Variants in KIF27 observed in about 807,000 individuals in gnomAD.
KIF27 encodes the protein kinesin-like protein KIF27.
Under a neutral mutation model 141.8 loss-of-function variants are expected in KIF27, and 84 were observed. The observed-to-expected ratio is 0.59, with a 90% confidence interval of 0.50 to 0.71. KIF27 has a LOEUF of 0.71. Among genes scored for constraint, KIF27 ranks in the 30% least tolerant of loss-of-function variants. The pLI, the probability that KIF27 is intolerant of heterozygous loss-of-function variation, is 0.00. For missense variants in KIF27, 1,306 were observed against 1,628.4 expected (o/e 0.80, Z 3.41); for synonymous variants, 471 against 569.5 (o/e 0.83, Z 2.46).
At chr9:83,915,239 A>G in intron 2 of KIF27, 55 bp downstream of exon 2, 2 of 1,467,810 alleles carry the variant, frequency 1.4e-6, no homozygotes, top group Non-Finnish European at 1.8e-6. Context: ...TATTGGTCAT[A>G]TTTTTGCTTC....
In KIF27 at chr9:83,837,289, A is replaced by G; in HGVS notation, c.3918T>C (p.His1306=). 3.1e-6 allele frequency: 5 copies of G among 1,606,710 alleles called. No individual in the cohort carries two copies. The highest frequency in any genetic ancestry group is 4.3e-6 in the Non-Finnish European group (5 of 1,174,548). Residue 1306 remains histidine, a synonymous_variant, in exon 18 of 18, where the codon CAT becomes CAC. Coordinates refer to ENST00000297814, the MANE Select transcript of KIF27 (RefSeq NM_017576.4). ...GCCCACTGGGGGGTGCTAAAGAACT[A>G]TGAATTGGAGGTAATTCTGGGATAT... is the stretch of plus-strand genomic sequence containing the variant. ...WEDIPELPPI[H]SSLAPPSGHM...
chr9:83,911,394 C>T (rs1288634701), intron 2 of KIF27, among the ~76,000 whole-genome samples: 1 of 152,068 alleles, frequency 6.6e-6, no homozygotes, highest in African/African-American at 2.4e-5. Flanking sequence ...CCACACATGG[C>T]TAATTTTTGT....
chr9:83,844,656 ACT>A (rs966410600), intron 16 of KIF27, among the ~76,000 whole-genome samples: 3 of 152,248 alleles, frequency 2.0e-5, no homozygotes, highest in African/African-American at 7.2e-5. Flanking sequence ...GAGTTTAGTG[ACT>A]CTGTGTAATA....
intron 5 of KIF27, among the ~76,000 whole-genome samples, chr9:83,893,607 G>A (rs1355557050): frequency 6.6e-6 from 1 of 151,092 alleles, no homozygotes; most frequent in Non-Finnish European, 1.5e-5. Context: ...TGCAAGTCAA[G>A]ATAAGCTTAG....
chr9:83,876,512 C>A (rs961737540), intron 11 of KIF27, among the ~76,000 whole-genome samples: 8 of 152,188 alleles, frequency 5.3e-5, no homozygotes, highest in Admixed American at 2.6e-4. Context: ...AGAGATTCAA[C>A]AATCCTTATC....
intron 9 of KIF27, among the ~76,000 whole-genome samples, chr9:83,886,773 A>G (rs895366392): frequency 2.6e-5 from 4 of 152,136 alleles, no homozygotes; most frequent in African/African-American, 9.7e-5. Flanking sequence ...TAAAATAAAC[A>G]TGTTGTAACT....
intron 16 of KIF27, among the ~76,000 whole-genome samples, chr9:83,848,203 GATATGATATATATGAT>G: frequency 3.4e-5 from 1 of 29,750 alleles, no homozygotes; most frequent in South Asian, 9.7e-4. Context: ...TGATATATCA[GATATGATATATATGAT>G]ATATCAGATA....
chr9:83,878,095 C>T (rs554445624), intron 11 of KIF27, among the ~76,000 whole-genome samples: 12 of 134,798 alleles, frequency 8.9e-5, no homozygotes, highest in African/African-American at 2.4e-4. Context: ...ACTCAGGAGG[C>T]GGAGCTTGCA....
rs1407657054 is a variant in KIF27, at chr9:83,903,569, A to G, written c.949T>C (p.Cys317Arg). 1.9e-6 allele frequency: 3 copies of G among 1,614,084 alleles called. No individual in the cohort carries two copies. In the African/African-American group the frequency reaches 4.0e-5, roughly 22 times the overall value. The change falls in exon 4 of 18, where the codon TGT becomes CGT. Residue 317 changes from cysteine to arginine, a missense_variant. Physicochemically the swap from Cys to Arg is radical, Grantham distance 180 (BLOSUM62 -3). Coordinates refer to ENST00000297814, the MANE Select transcript of KIF27 (RefSeq NM_017576.4). ...AAATTCGAGGAGGAGGGGCTGACAC[A>G]TGTGATCATGACAGTCTTAGCACTG... Reference protein sequence around the residue: ...GGSAKTVMITCVSPSSSNFDE... With the variant: ...GGSAKTVMITRVSPSSSNFDE...
intron 5 of KIF27, chr9:83,899,062 G>T (rs1201218141): frequency 1.3e-5 from 2 of 152,160 alleles, no homozygotes; most frequent in Non-Finnish European, 2.9e-5. Context: ...ATGTGTGCTG[G>T]ATCAGATTAT....
In KIF27 at chr9:83,867,705, A is replaced by G; in HGVS notation, c.2913T>C (p.Asn971=). 6.2e-7 allele frequency: 1 copy of G among 1,601,146 alleles called. No individual in the cohort carries two copies. The highest frequency in any genetic ancestry group is 1.1e-5 in the South Asian group (1 of 88,380). The change falls in exon 13 of 18, where the codon AAT becomes AAC. Residue 971 remains asparagine (N), a synonymous_variant. Coordinates refer to ENST00000297814, the MANE Select transcript of KIF27 (RefSeq NM_017576.4). ...ALLQEKSHLE[N]KKLRSSQALN... is the part of the protein sequence containing the mutation. The stretch of plus-strand genomic sequence containing the variant: ...ATACCTGACTAGATCTCAATTTCTT[A>G]TTTTCCAGGTGACTCTTCTCCTGTA...
intron 15 of KIF27, among the ~76,000 whole-genome samples, chr9:83,852,052 C>CGA (rs1008477209): frequency 6.7e-6 from 1 of 150,266 alleles, no homozygotes; most frequent in Admixed American, 6.6e-5. Context: ...TGCTTGAACC[C>CGA]GGGGGGCGGA....
chr9:83,905,157 T>C (rs1168763640), intron 3 of KIF27, among the ~76,000 whole-genome samples: 4 of 151,904 alleles, frequency 2.6e-5, no homozygotes, highest in African/African-American at 4.8e-5. Flanking sequence ...TCTCGCTCTG[T>C]CCCCAGGCTG....
intron 11 of KIF27, among the ~76,000 whole-genome samples, chr9:83,871,341 G>A (rs1950776102): frequency 6.6e-6 from 1 of 152,184 alleles, no homozygotes. Flanking sequence ...AGAAAGGAAT[G>A]TTAGCTCTTA....
chr9:83,896,130 C>T (rs1211098391), intron 5 of KIF27, among the ~76,000 whole-genome samples: 1 of 151,164 alleles, frequency 6.6e-6, no homozygotes, highest in East Asian at 1.9e-4. Context: ...GTAATCCCAG[C>T]TATACAGGAG....
intron 13 of KIF27, among the ~76,000 whole-genome samples, chr9:83,862,558 T>G (rs1430351015): frequency 1.3e-5 from 2 of 152,224 alleles, no homozygotes; most frequent in African/African-American, 4.8e-5. Flanking sequence ...ACCAGTACCA[T>G]GCTGTTTTGG....
chr9:83,886,457 C>G (rs1362288671), intron 9 of KIF27, among the ~76,000 whole-genome samples: 1 of 152,076 alleles, frequency 6.6e-6, no homozygotes, highest in East Asian at 1.9e-4. Flanking sequence ...TTTCAATGCC[C>G]TCTCACTGAA....
At chr9:83,886,060 G>C (rs1455744714) in intron 9 of KIF27, among the ~76,000 whole-genome samples, 1 of 151,558 alleles carries the variant, frequency 6.6e-6, no homozygotes, top group Non-Finnish European at 1.5e-5. Context: ...CCTAGCTCCA[G>C]TTATGCAGAT....
In KIF27 at chr9:83,906,577, C is replaced by CAA. The variant is rs1954563537; in HGVS notation, c.499+1873_499+1874dup. Among the ~76,000 whole-genome samples, 3 of 151,572 alleles carry CAA rather than the reference C, an allele frequency of 2.0e-5. No individual in the cohort carries two copies. In the South Asian group the frequency reaches 6.3e-4, roughly 32 times the overall value. ...GCAACATGGTGAAACCCCGTCTCTA[C>CAA]AAAAAAATACAAAAATTAGCCAGGC... On this transcript the variant is annotated intron_variant, in intron 3 of 17. Coordinates refer to ENST00000297814, the MANE Select transcript of KIF27 (RefSeq NM_017576.4).
Sources: allele counts gnomAD v4.1 joint callset (sites outside exome capture counted in the v4.1 genomes callset), GRCh38; gene constraint gnomAD v4.1.1; transcripts MANE v1.5; gene names NCBI Gene and HGNC (gene_info 2026-07-23, HGNC 2026-07-21).